FSIP2: variants seen among roughly 807,000 people sequenced by gnomAD.
The protein encoded by FSIP2 is fibrous sheath interacting protein 2, also known as fibrous sheath-interacting protein 2.
In FSIP2, 367 loss-of-function variants were observed where a neutral mutation model predicts 510.5. The observed-to-expected ratio is 0.72, with a 90% CI of 0.66 to 0.78. The LOEUF (loss-of-function observed/expected upper bound fraction) is 0.78. Ranked by LOEUF, FSIP2 falls within the 30% of genes least tolerant of loss-of-function variation. The pLI, the probability that FSIP2 is intolerant of heterozygous loss-of-function variation, is 0.00. For synonymous variants in FSIP2, 2,601 were observed against 2,732.2 expected (o/e 0.95, Z 1.50); for missense variants, 7,594 against 7,901.7 (o/e 0.96, Z 1.48).
intron 11 of FSIP2, among the ~76,000 whole-genome samples, chr2:185,762,234 A>G (rs1574161315): frequency 6.6e-6 from 1 of 151,252 alleles, no homozygotes; most frequent in East Asian, 1.9e-4. Flanking sequence ...AAAGTGTGGA[A>G]AAGATAGGGT....
In FSIP2 at chr2:185,739,444, A is replaced by G; in HGVS notation, c.198A>G (p.Val66=). The G allele has an allele frequency of 1.3e-6, 2 of 1,524,882 alleles. No homozygotes were observed. Among genetic ancestry groups the G allele is most frequent in the South Asian group, 1.2e-5 (1 of 82,644 alleles). The allele number at this position is 1,524,882 out of a possible 1,614,324, so 94.5% of individuals were successfully genotyped here. A position where few individuals can be genotyped will look rare whatever the true frequency, so the allele number is the denominator to read the frequency against. Residue 66 remains valine, a synonymous_variant, in exon 2 of 23, where the codon GTA becomes GTG. Transcript: ENST00000424728. ...KLPVIPGSNA[V]FYTTNFGEKL... is the part of the protein sequence containing the mutation. The stretch of plus-strand genomic sequence containing the variant: ...CTGTGATCCCAGGAAGCAATGCTGT[A>G]TTCTATACTACGAATTTCGGTGAAA...
chr2:185,795,535 G>A lies in FSIP2; in HGVS notation c.8399G>A (p.Arg2800Lys), dbSNP rs932476970. 3.3e-6 allele frequency: 5 copies of A among 1,534,798 alleles called. No homozygotes were observed. The highest frequency in any genetic ancestry group is 2.0e-5 in the Admixed American group (1 of 50,882). Residue 2800 changes from arginine (R) to lysine (K), a missense_variant, in exon 16 of 23, where the codon AGA becomes AAA. By Grantham distance (26) the Arg-to-Lys change is conservative. Transcript: ENST00000424728. The part of the protein sequence containing the change: ...LAYPMKSSHL[R>K]LSQGNIGTGS... ...TACCCGATGAAATCCTCACATCTCA[G>A]ACTTTCACAGGGGAATATAGGCACA...
chr2:185,805,785 C>T lies in FSIP2; in HGVS notation c.16479C>T (p.Ser5493=). 1.9e-6 allele frequency: 3 copies of T among 1,603,392 alleles called. No individual in the cohort carries two copies. Among genetic ancestry groups the T allele is most frequent in the Non-Finnish European group, 2.6e-6 (3 of 1,176,348 alleles). Residue 5493 remains serine (S), a synonymous_variant, in exon 17 of 23, where the codon AGC becomes AGT. Coordinates refer to ENST00000424728, the MANE Select transcript of FSIP2 (RefSeq NM_173651.4). ...KKGDIQNPVL[S]SINAIMKSGM... ...GTGACATCCAAAATCCAGTACTTAG[C>T]TCTATAAATGCAATTATGAAAAGCG...
In FSIP2 at chr2:185,790,929, C is replaced by A. The variant is rs779549333; in HGVS notation, c.3793C>A (p.Arg1265Ser). The A allele has an allele frequency of 3.3e-6, 5 of 1,523,914 alleles. No individual in the cohort carries two copies. In the South Asian group the frequency reaches 6.1e-5, roughly 19 times the overall value. The allele number at this position is 1,523,914 out of a possible 1,614,324, so 94.4% of individuals were successfully genotyped here. ...AGATGACATTAATGATAAGATCATT[C>A]GTACAATTTTTAAAAGACTGAAGTC... Reference protein sequence around the residue: ...PVDDINDKIIRTIFKRLKSFI... With the variant: ...PVDDINDKIISTIFKRLKSFI... The change falls in exon 16 of 23, where the codon CGT becomes AGT. Residue 1265 changes from arginine (R) to serine (S), a missense_variant. Physicochemically the swap from Arg to Ser is moderately radical, Grantham distance 110 (BLOSUM62 -1). Transcript: ENST00000424728.
chr2:185,788,517 T>C, intron 15 of FSIP2, 126 bp from the exon 16 acceptor site: 1 of 569,424 alleles, frequency 1.8e-6, no homozygotes, highest in East Asian at 3.1e-5. Flanking sequence ...TACTATTTTC[T>C]TTCATAAACC....
rs1354951954 is a variant in FSIP2 at position 185,794,831 on chromosome 2, G to A, written c.7695G>A (p.Arg2565=). The A allele has an allele frequency of 2.6e-6, 4 of 1,531,964 alleles. No individual in the cohort carries two copies. Among genetic ancestry groups the A allele is most frequent in the Non-Finnish European group, 2.6e-6 (3 of 1,144,126 alleles). 94.9% of individuals were successfully genotyped at this position (1,531,964 alleles called of 1,614,324 possible). ...VTSLYENNKS[R]TEVEISDHND... is the part of the protein sequence containing the mutation. ...CATTATATGAAAATAATAAAAGTAG[G>A]ACAGAAGTTGAAATATCTGACCACA... Residue 2565 remains arginine (R), a synonymous_variant, in exon 16 of 23, where the codon AGG becomes AGA. Coordinates refer to ENST00000424728, the MANE Select transcript of FSIP2 (RefSeq NM_173651.4).
intron 16 of FSIP2, among the ~76,000 whole-genome samples, chr2:185,798,622 G>A (rs935998054): frequency 2.0e-5 from 3 of 151,738 alleles, no homozygotes; most frequent in East Asian, 1.9e-4. Flanking sequence ...CCACCTGCAC[G>A]AGGAGGTTAT....
intron 13 of FSIP2, chr2:185,765,948 CTGT>C (rs1260599264): frequency 6.7e-6 from 1 of 149,832 alleles, no homozygotes; most frequent in Non-Finnish European, 1.5e-5. Flanking sequence ...CTCTGTTTGT[CTGT>C]TGTTGGTGTA....
In FSIP2 at chr2:185,739,417, G is replaced by T. The variant is rs768058514; in HGVS notation, c.171G>T (p.Leu57=). 2.6e-4 allele frequency: 394 copies of T among 1,534,912 alleles called. No individual in the cohort carries two copies. The highest frequency in any genetic ancestry group is 3.3e-4 in the Non-Finnish European group (373 of 1,146,344). ...QLLDLPLGVK[L]PVIPGSNAVF... ...TGGACCTACCTCTCGGGGTCAAGCT[G>T]CCTGTGATCCCAGGAAGCAATGCTG... Residue 57 remains leucine, a synonymous_variant, in exon 2 of 23, where the codon CTG becomes CTT. Transcript: ENST00000424728.
rs573500354 is a variant in FSIP2 at position 185,769,463 on chromosome 2, C to T, written c.1411+4898C>T. On this transcript the variant is annotated intron_variant, in intron 13 of 22. Transcript: ENST00000424728. ...AGTGTCTGTTCATATCCTTTGCCCT[C>T]TTTTTAATGGAATTTTTTTTCTTAT... Among the ~76,000 whole-genome samples, 3 of 152,222 alleles carry T rather than the reference C, an allele frequency of 2.0e-5. No homozygotes were observed. The East Asian group carries it at 5.8e-4, about 29-fold the overall frequency.
At chr2:185,756,724 T>C (rs773900318) in intron 9 of FSIP2, among the ~76,000 whole-genome samples, 11 of 151,392 alleles carry the variant, frequency 7.3e-5, no homozygotes, top group South Asian at 4.1e-4. Flanking sequence ...TTAGAGCTCA[T>C]TGAAAGATTA....
chr2:185,739,764 A>T (rs2287410), intron 2 of FSIP2, among the ~76,000 whole-genome samples: 126,453 of 152,114 alleles, frequency 0.83, 52,567 homozygotes, highest in South Asian at 0.87. Context: ...ATATAGTAAG[A>T]TTTGATGTAC....
At position 185,800,015 on chromosome 2, in the gene FSIP2, A is replaced by C. The variant is rs1051495371; in HGVS notation, c.10709A>C (p.Asn3570Thr). The C allele has an allele frequency of 1.6e-5, 25 of 1,519,128 alleles. No individual in the cohort carries two copies. Among genetic ancestry groups the C allele is most frequent in the Non-Finnish European group, 2.2e-5 (25 of 1,136,704 alleles). The allele number at this position is 1,519,128 out of a possible 1,614,324, so 94.1% of individuals were successfully genotyped here. Residue 3570 changes from asparagine (N) to threonine (T), a missense_variant, in exon 17 of 23, where the codon AAT becomes ACT. Coordinates refer to ENST00000424728, the MANE Select transcript of FSIP2 (RefSeq NM_173651.4). ...GAAATCATTATTAAAATTCTTTTTA[A>C]TAATAAAATTATACAGGCTGACATT... ...ISEIIIKILF[N>T]NKIIQADIAQ... is the part of the protein sequence containing the mutation.
Position 185,801,355 on chromosome 2 carries a change from G to C in FSIP2, c.12049G>C (p.Glu4017Gln), listed in dbSNP as rs1693430605. 4 of 1,534,050 alleles carry C rather than the reference G, an allele frequency of 2.6e-6. No homozygotes were observed. Among genetic ancestry groups the C allele is most frequent in the Non-Finnish European group, 3.5e-6 (4 of 1,145,548 alleles). ...ATTATTTGTCAACAATGTAGTGAAT[G>C]AATTTAATAATGCTCAAGTCACTGT... Reference protein sequence around the residue: ...NTLFVNNVVNEFNNAQVTVLR... With the variant: ...NTLFVNNVVNQFNNAQVTVLR... Residue 4017 changes from glutamate (E) to glutamine (Q), a missense_variant, in exon 17 of 23, where the codon GAA (glutamate) becomes CAA (glutamine). Transcript: ENST00000424728.
chr2:185,817,966 C>T (rs12623222), intron 19 of FSIP2, among the ~76,000 whole-genome samples: 82,614 of 151,510 alleles, frequency 0.55, 22,750 homozygotes, highest in South Asian at 0.64. Context: ...TTGTATATGC[C>T]GAAATAACTA....
rs765898700 is a variant in FSIP2 at position 185,796,924 on chromosome 2, A to G, written c.9788A>G (p.Tyr3263Cys). The change falls in exon 16 of 23, where the codon TAC becomes TGC. Residue 3263 changes from tyrosine (Y) to cysteine (C), a missense_variant. Transcript: ENST00000424728. The part of the protein sequence containing the change: ...SFDQTMKGNS[Y>C]LPEGSFLQKL... ...GATCAGACCATGAAAGGAAATAGCT[A>G]CCTCCCTGAAGGCAGTTTCTTACAA... 2.6e-6 allele frequency: 4 copies of G among 1,534,866 alleles called. No homozygotes were observed. In the South Asian group the frequency reaches 4.8e-5, roughly 18 times the overall value.
chr2:185,790,665 A>T lies in FSIP2; in HGVS notation c.3529A>T (p.Ile1177Leu). The change falls in exon 16 of 23, where the codon ATA becomes TTA. Residue 1177 changes from isoleucine to leucine, a missense_variant. Physicochemically the swap from Ile to Leu is conservative, Grantham distance 5 (BLOSUM62 2). Transcript: ENST00000424728. ...AQEITDSVLNILHKASNYISN... is the reference protein window; with the variant it reads ...AQEITDSVLNLLHKASNYISN... ...AGAAATAACAGATTCTGTGTTAAAC[A>T]TACTTCATAAGGCATCAAACTACAT... The T allele has an allele frequency of 6.5e-7, 1 of 1,534,026 alleles. No homozygotes were observed. The highest frequency in any genetic ancestry group is 2.4e-5 in the East Asian group (1 of 40,832).
intron 7 of FSIP2, among the ~76,000 whole-genome samples, chr2:185,751,461 C>CTGTCTGTGTG (rs1553493290): frequency 2.9e-5 from 4 of 135,874 alleles, no homozygotes; most frequent in Non-Finnish European, 6.4e-5. Context: ...CTTTATTTTT[C>CTGTCTGTGTG]TGTGTGTGTG....
At chr2:185,811,468 C>CAA (rs796187112) in intron 17 of FSIP2, among the ~76,000 whole-genome samples, 11 of 59,024 alleles carry the variant, frequency 1.9e-4, no homozygotes, top group African/African-American at 2.4e-4. Context: ...GACTCCACCT[C>CAA]AAAAAAAAAA....
Sources: gnomAD v4.1 joint callset for allele counts (sites outside exome capture counted in the v4.1 genomes callset) on GRCh38, gnomAD v4.1.1 for gene constraint, MANE v1.5 for transcripts, NCBI Gene and HGNC (gene_info 2026-07-23, HGNC 2026-07-21) for gene names.